AVL9: variants seen among roughly 807,000 people sequenced by gnomAD.
The protein encoded by AVL9 is late secretory pathway protein AVL9 homolog.
In AVL9, 49 loss-of-function variants were observed where a neutral mutation model predicts 79.2. That is an observed-to-expected ratio of 0.62 (90% CI 0.49 to 0.79). AVL9 has a LOEUF of 0.79. Among genes scored for constraint, AVL9 ranks in the 30% least tolerant of loss-of-function variants. The probability of loss-of-function intolerance (pLI) is 0.00; values close to 1 mark genes in which losing one functional copy is unlikely to be tolerated. For missense variants in AVL9, 682 were observed against 776.8 expected (o/e 0.88, Z 1.45); for synonymous variants, 299 against 280.6 (o/e 1.07, Z -0.65).
chr7:32,505,842 A>G (rs1787390338), intron 1 of AVL9, among the ~76,000 whole-genome samples: 1 of 152,170 alleles, frequency 6.6e-6, no homozygotes, highest in African/African-American at 2.4e-5. Context: ...AAAAGCCACT[A>G]CTTAATATAG....
At chr7:32,563,833 T>G (rs1790435144) in intron 10 of AVL9, among the ~76,000 whole-genome samples, 1 of 152,210 alleles carries the variant, frequency 6.6e-6, no homozygotes, top group Non-Finnish European at 1.5e-5. Flanking sequence ...ATGCCATCTT[T>G]GTTCATTTTG....
At chr7:32,573,824 G>A (rs969951154) in intron 12 of AVL9, among the ~76,000 whole-genome samples, 4 of 152,118 alleles carry the variant, frequency 2.6e-5, no homozygotes, top group Admixed American at 6.5e-5. Context: ...GATGTATAAA[G>A]GGAGAAAGAA....
chr7:32,580,955 T>G, intron 15 of AVL9, 65 bp downstream of exon 15: 1 of 1,152,684 alleles, frequency 8.7e-7, no homozygotes, highest in Non-Finnish European at 1.3e-6. Context: ...ATCTTTAATA[T>G]GTAATTGATA....
Position 32,567,706 on chromosome 7 carries a change from T to A in AVL9, c.1216-2314T>A, listed in dbSNP as rs912429592. Among the ~76,000 whole-genome samples, 119 of 151,552 alleles carry A rather than the reference T, an allele frequency of 7.9e-4. 1 individual carries two copies. Among genetic ancestry groups the A allele is most frequent in the South Asian group, 3.3e-3 (16 of 4,800 alleles). On this transcript the variant is annotated intron_variant, in intron 10 of 15. Coordinates refer to ENST00000318709, the MANE Select transcript of AVL9 (RefSeq NM_015060.3). ...TTATTTTTTATTTATTTTATTTTAT[T>A]TTTATTTATTTATTTATTTATTTTT...
chr7:32,580,262 A>C lies in AVL9; in HGVS notation c.1732A>C (p.Arg578=). The C allele has an allele frequency of 1.2e-6, 2 of 1,611,528 alleles. No homozygotes were observed. Among genetic ancestry groups the C allele is most frequent in the South Asian group, 2.2e-5 (2 of 90,604 alleles). ...GQYSVSDMKL[R]FSHSVQNSER... is the part of the protein sequence containing the mutation. ...ATACTCAGTATCAGACATGAAGTTA[A>C]GGTTCTCACAGTAAGTACTTAGAGA... Residue 578 remains arginine (R), a synonymous_variant, in exon 14 of 16, where the codon AGG becomes CGG. Coordinates refer to ENST00000318709, the MANE Select transcript of AVL9 (RefSeq NM_015060.3).
intron 1 of AVL9, among the ~76,000 whole-genome samples, chr7:32,499,774 C>T (rs559362284): frequency 6.6e-6 from 1 of 152,222 alleles, no homozygotes; most frequent in Non-Finnish European, 1.5e-5. Flanking sequence ...AGGCACCAGT[C>T]TGTGATGTTC....
intron 1 of AVL9, among the ~76,000 whole-genome samples, chr7:32,517,136 A>G (rs572263465): frequency 3.3e-5 from 5 of 152,260 alleles, no homozygotes; most frequent in African/African-American, 7.2e-5. Context: ...AGTAAAAGCT[A>G]TAGAATCTTT....
At chr7:32,552,539 A>G (rs1171105144) in intron 6 of AVL9, among the ~76,000 whole-genome samples, 2 of 150,102 alleles carry the variant, frequency 1.3e-5, no homozygotes, top group East Asian at 3.9e-4. Flanking sequence ...TTTTTTTGAG[A>G]CAAACTACCT....
At position 32,587,898 on chromosome 7, in the gene AVL9, A is replaced by C. The variant is rs1791865933; in HGVS notation, c.*3991A>C. Reference sequence around the variant, plus strand: ...GATGTTTATTCTTTTCATATGAATGACTTTGTACACATGACTTCCTGCTTT... The same window carrying C: ...GATGTTTATTCTTTTCATATGAATGCCTTTGTACACATGACTTCCTGCTTT... On this transcript the variant is annotated 3_prime_UTR_variant, in exon 16 of 16. Coordinates refer to ENST00000318709, the MANE Select transcript of AVL9 (RefSeq NM_015060.3). 1 of 152,196 alleles carries C rather than the reference A, an allele frequency of 6.6e-6. No homozygotes were observed. The highest frequency in any genetic ancestry group is 1.5e-5 in the Non-Finnish European group (1 of 68,038). The allele number at this position is 152,196 out of a possible 1,614,324, so 9.4% of individuals were successfully genotyped here. A position where few individuals can be genotyped will look rare whatever the true frequency, so the allele number is the denominator to read the frequency against.
At chr7:32,501,371 G>C (rs1235677935) in intron 1 of AVL9, among the ~76,000 whole-genome samples, 2 of 152,184 alleles carry the variant, frequency 1.3e-5, no homozygotes, top group Non-Finnish European at 2.9e-5. Flanking sequence ...TAGCAGTTAG[G>C]GAAGAATAAC....
At chr7:32,545,251 G>A (rs1161698385) in intron 3 of AVL9, among the ~76,000 whole-genome samples, 2 of 150,578 alleles carry the variant, frequency 1.3e-5, no homozygotes, top group East Asian at 2.0e-4. Flanking sequence ...GGGACTACAG[G>A]TGTGCACCAC....
Position 32,496,905 on chromosome 7 carries a change from A to G in AVL9, c.93+1103A>G, listed in dbSNP as rs569045414. ...CACTTGAGCCCAGGAGTTTGAGACCAGCTTAGATAACAAAGGGAAACACTG... is the reference window on the plus strand; with the variant it reads ...CACTTGAGCCCAGGAGTTTGAGACCGGCTTAGATAACAAAGGGAAACACTG... On this transcript the variant is annotated intron_variant, in intron 1 of 15. Coordinates refer to ENST00000318709, the MANE Select transcript of AVL9 (RefSeq NM_015060.3). 4.1e-4 allele frequency among the ~76,000 whole-genome samples: 62 copies of G among 152,348 alleles called. 2 individuals are homozygous for G. In the Middle Eastern group the frequency reaches 0.01, roughly 25 times the overall value.
intron 1 of AVL9, among the ~76,000 whole-genome samples, chr7:32,510,597 A>G (rs1245841417): frequency 2.5e-3 from 182 of 73,512 alleles, no homozygotes; most frequent in Middle Eastern, 0.032. Context: ...GTCTGGTTGT[A>G]GGAGTCCACA....
chr7:32,504,448 CT>C (rs780721464), intron 1 of AVL9, among the ~76,000 whole-genome samples: 3 of 151,972 alleles, frequency 2.0e-5, no homozygotes, highest in East Asian at 1.9e-4. Flanking sequence ...TACAATATTT[CT>C]TTTTTTTATA....
chr7:32,545,080 G>A (rs1789414357), intron 3 of AVL9, among the ~76,000 whole-genome samples: 1 of 147,368 alleles, frequency 6.8e-6, no homozygotes, highest in Admixed American at 7.1e-5. Flanking sequence ...TGAATTTTCT[G>A]TTTCTAGTGT....
rs1791743118 is a variant in AVL9 at position 32,585,654 on chromosome 7, G to GTCTCT, written c.*1747_*1748insTCTCT. On this transcript the variant is annotated 3_prime_UTR_variant, in exon 16 of 16. Coordinates refer to ENST00000318709, the MANE Select transcript of AVL9 (RefSeq NM_015060.3). The stretch of plus-strand genomic sequence containing the variant: ...TCCCAAGGCATTTGAAATGAACATA[G>GTCTCT]AAACATAATCTAAATGTCTCTAAAT... 1 of 152,128 alleles carries GTCTCT rather than the reference G, an allele frequency of 6.6e-6. No individual in the cohort carries two copies. The highest frequency in any genetic ancestry group is 1.5e-5 in the Non-Finnish European group (1 of 67,998). The allele number at this position is 152,128 out of a possible 1,614,324, so 9.4% of individuals were successfully genotyped here.
At chr7:32,516,154 A>T (rs542131920) in intron 1 of AVL9, among the ~76,000 whole-genome samples, 1 of 152,090 alleles carries the variant, frequency 6.6e-6, no homozygotes, top group Admixed American at 6.5e-5. Context: ...ACATTACCTC[A>T]CCTCTTTGGC....
In AVL9 at chr7:32,576,422, G is replaced by A. The variant is rs1407587673; in HGVS notation, c.1688+350G>A. 2.0e-5 allele frequency among the ~76,000 whole-genome samples: 3 copies of A among 152,110 alleles called. No individual in the cohort carries two copies. The East Asian group carries it at 5.8e-4, about 29-fold the overall frequency. ...GGTTCAACAAGATAGAATCCTAGAA[G>A]GAAATACCACTGGTTTACTGCATGA... On this transcript the variant is annotated intron_variant, in intron 13 of 15. Transcript: ENST00000318709.
chr7:32,562,303 CTT>C (rs1037151347), intron 10 of AVL9, among the ~76,000 whole-genome samples: 8 of 152,208 alleles, frequency 5.3e-5, no homozygotes, highest in African/African-American at 1.7e-4. Flanking sequence ...AGATGTCTAA[CTT>C]ATATCACTTA....
Sources: gnomAD v4.1 joint callset for allele counts (sites outside exome capture counted in the v4.1 genomes callset) on GRCh38, gnomAD v4.1.1 for gene constraint, MANE v1.5 for transcripts, NCBI Gene and HGNC (gene_info 2026-07-23, HGNC 2026-07-21) for gene names.